STAM: variants seen among roughly 807,000 people sequenced by gnomAD.
The protein encoded by STAM is signal transducing adaptor molecule, also known as signal transducing adapter molecule 1.
Under a neutral mutation model 63.4 loss-of-function variants are expected in STAM, and 16 were observed. That is an observed-to-expected ratio of 0.25 (90% CI 0.17 to 0.38). The LOEUF (loss-of-function observed/expected upper bound fraction) is 0.38. STAM is among the 10% of genes least tolerant of loss of function. STAM has a pLI of 1.00. For missense variants in STAM, 636 were observed against 657.1 expected (o/e 0.97, Z 0.35); for synonymous variants, 238 against 223.9 (o/e 1.06, Z -0.56).
intron 5 of STAM, 146 bp downstream of exon 5, chr10:17,688,319 T>C (rs1264126924): frequency 2.1e-5 from 15 of 711,084 alleles, no homozygotes; most frequent in Non-Finnish European, 2.6e-5. Flanking sequence ...ACTAGTTGTA[T>C]TGCTAGTTAG....
intron 2 of STAM, among the ~76,000 whole-genome samples, chr10:17,663,501 G>A (rs1834258000): frequency 6.6e-6 from 1 of 152,016 alleles, no homozygotes; most frequent in Non-Finnish European, 1.5e-5. Flanking sequence ...TAATGAAGGT[G>A]GATCTGTTTG....
In STAM at chr10:17,695,209, A is replaced by G. The variant is rs116709625; in HGVS notation, c.696A>G (p.Lys232=). The change falls in exon 7 of 14, where the codon AAA becomes AAG. Residue 232 remains lysine, a synonymous_variant. Transcript: ENST00000377524. The part of the protein sequence containing the change: ...EAAEDNELTF[K]AGEIITVLDD... Reference sequence around the variant, plus strand: ...CTGAAGACAATGAACTTACTTTTAAAGCTGGAGAAATTATTACAGTTCTTG... The same window carrying G: ...CTGAAGACAATGAACTTACTTTTAAGGCTGGAGAAATTATTACAGTTCTTG... 2.7e-4 allele frequency: 432 copies of G among 1,613,856 alleles called. 4 individuals carry two copies. In the African/African-American group the frequency reaches 5.3e-3, roughly 20 times the overall value.
intron 6 of STAM, 98 bp from the exon 7 acceptor site, chr10:17,694,951 T>G (rs1236147066): frequency 2.6e-6 from 3 of 1,142,484 alleles, no homozygotes; most frequent in Non-Finnish European, 3.7e-6. Context: ...ACTATACTAT[T>G]GAAGGAAGAA....
chr10:17,669,358 T>G (rs1381224541), intron 2 of STAM, among the ~76,000 whole-genome samples: 3 of 151,732 alleles, frequency 2.0e-5, no homozygotes, highest in Non-Finnish European at 4.4e-5. Flanking sequence ...CTTGAGGTTT[T>G]TTTTTTTTTT....
At chr10:17,650,791 C>T (rs898593739) in intron 1 of STAM, among the ~76,000 whole-genome samples, 2 of 152,080 alleles carry the variant, frequency 1.3e-5, no homozygotes, top group Non-Finnish European at 2.9e-5. Context: ...GAGGGCTGGG[C>T]GCGGTGGCTC....
chr10:17,713,936 G>T (rs11596639), intron 13 of STAM, among the ~76,000 whole-genome samples: 6,814 of 152,122 alleles, frequency 0.045, 197 homozygotes, highest in Middle Eastern at 0.16. Flanking sequence ...TCCTGCCGGT[G>T]ATCTTAGCTG....
intron 2 of STAM, among the ~76,000 whole-genome samples, chr10:17,666,456 A>G (rs1026766415): frequency 2.2e-5 from 3 of 133,806 alleles, no homozygotes; most frequent in Non-Finnish European, 4.6e-5. Context: ...GTGCAGTGGC[A>G]CGATCTTGGC....
intron 13 of STAM, among the ~76,000 whole-genome samples, chr10:17,714,201 G>C (rs1166572746): frequency 6.6e-6 from 1 of 152,122 alleles, no homozygotes. Context: ...ATTGGGCTTT[G>C]TTTTTGTTCT....
At position 17,675,285 on chromosome 10, in the gene STAM, C is replaced by G. The variant is rs868959453; in HGVS notation, c.126-9390C>G. Among the ~76,000 whole-genome samples, 3 of 152,250 alleles carry G rather than the reference C, an allele frequency of 2.0e-5. No individual in the cohort carries two copies. In the South Asian group the frequency reaches 6.2e-4, roughly 32 times the overall value. ...TTGGGAGGCCAAGGTGGGTGGATCA[C>G]CTGAGGTCAGGAGTTTGAGACCAGC... is the stretch of plus-strand genomic sequence containing the variant. On this transcript the variant is annotated intron_variant, in intron 2 of 13. Coordinates refer to ENST00000377524, the MANE Select transcript of STAM (RefSeq NM_003473.4).
At chr10:17,713,893 G>A (rs782368173) in intron 13 of STAM, among the ~76,000 whole-genome samples, 7 of 152,038 alleles carry the variant, frequency 4.6e-5, no homozygotes, top group South Asian at 2.1e-4. Context: ...ATCAGGTGCT[G>A]TGTGTTCTCC....
At chr10:17,696,216 A>G (rs1424512414) in intron 7 of STAM, 2 of 152,028 alleles carry the variant, frequency 1.3e-5, no homozygotes, top group African/African-American at 4.8e-5. Flanking sequence ...TTAGCTGGAA[A>G]TTGCCCAAAA....
chr10:17,679,335 AT>A (rs1439392026), intron 2 of STAM, among the ~76,000 whole-genome samples: 2 of 152,258 alleles, frequency 1.3e-5, no homozygotes, highest in African/African-American at 2.4e-5. Context: ...AGCATTTGTT[AT>A]GTGCTTATTG....
At chr10:17,650,531 A>T (rs1319570987) in intron 1 of STAM, among the ~76,000 whole-genome samples, 1 of 152,086 alleles carries the variant, frequency 6.6e-6, no homozygotes, top group Non-Finnish European at 1.5e-5. Flanking sequence ...GTAATTCTTG[A>T]CTTCTGTAGT....
At chr10:17,697,430 A>C (rs1237060958) in intron 8 of STAM, among the ~76,000 whole-genome samples, 1 of 152,228 alleles carries the variant, frequency 6.6e-6, no homozygotes, top group African/African-American at 2.4e-5. Context: ...ACTTGAAAGC[A>C]GTGTTCTCCA....
At chr10:17,665,389 C>A (rs1485323323) in intron 2 of STAM, among the ~76,000 whole-genome samples, 1 of 152,122 alleles carries the variant, frequency 6.6e-6, no homozygotes, top group Non-Finnish European at 1.5e-5. Flanking sequence ...CCCTGTTTCG[C>A]TGCTCTCATC....
intron 8 of STAM, 92 bp downstream of exon 8, chr10:17,696,961 C>G: frequency 9.6e-7 from 1 of 1,046,382 alleles, no homozygotes; most frequent in Non-Finnish European, 1.4e-6. Context: ...GCAGTGTTGC[C>G]CAGGCTGGAG....
At chr10:17,660,421 A>T in intron 1 of STAM, 43 bp from the exon 2 acceptor site, 1 of 1,349,964 alleles carries the variant, frequency 7.4e-7, no homozygotes, top group South Asian at 1.3e-5. Context: ...TCTTTTAAAG[A>T]TTTGAAAAAT....
intron 6 of STAM, 84 bp downstream of exon 6, chr10:17,693,396 T>C: frequency 5.1e-6 from 6 of 1,178,360 alleles, no homozygotes; most frequent in Non-Finnish European, 7.1e-6. Flanking sequence ...TAAATAGAAC[T>C]TTATAGCAAA....
At chr10:17,707,782 T>C (rs1554829498) in intron 12 of STAM, among the ~76,000 whole-genome samples, 1 of 152,118 alleles carries the variant, frequency 6.6e-6, no homozygotes, top group African/African-American at 2.4e-5. Context: ...ATTAGGACAT[T>C]ATGTGTTTTA....
Sources: gnomAD v4.1 joint callset for allele counts (sites outside exome capture counted in the v4.1 genomes callset) on GRCh38, gnomAD v4.1.1 for gene constraint, MANE v1.5 for transcripts, NCBI Gene and HGNC (gene_info 2026-07-23, HGNC 2026-07-21) for gene names.